The following PBX1 variants were observed in gnomAD, a reference collection of about 807,000 sequenced individuals.
PBX1 encodes the protein pre-B-cell leukemia transcription factor 1.
A neutral mutation model predicts 53.4 loss-of-function variants in PBX1; 6 were observed. The observed-to-expected ratio is 0.11, with a 90% CI of 0.06 to 0.22. PBX1 has a LOEUF of 0.22. Among genes scored for constraint, PBX1 ranks in the 10% least tolerant of loss-of-function variants. PBX1 has a pLI of 1.00. For synonymous variants in PBX1, 204 were observed against 212.3 expected (o/e 0.96, Z 0.34); for missense variants, 251 against 551.4 (o/e 0.46, Z 5.46).
intron 6 of PBX1, chr1:164,819,214 G>T (rs1256102516): frequency 6.6e-6 from 1 of 152,188 alleles, no homozygotes; most frequent in African/African-American, 2.4e-5. Context: ...TGGAACCTGG[G>T]TGGTGCCAGG....
chr1:164,879,635 A>G (rs765433568), intron 2 of PBX1, among the ~76,000 whole-genome samples: 10 of 152,240 alleles, frequency 6.6e-5, no homozygotes, highest in Non-Finnish European at 1.0e-4. Context: ...GGATGGGATC[A>G]CCAAGGGAGC....
At chr1:164,862,875 T>G (rs1672131975) in intron 2 of PBX1, among the ~76,000 whole-genome samples, 1 of 152,190 alleles carries the variant, frequency 6.6e-6, no homozygotes. Context: ...GTTGTGGATG[T>G]ATTTATTTTT....
chr1:164,674,795 C>T (rs1311662366), intron 2 of PBX1: 10 of 136,496 alleles, frequency 7.3e-5, no homozygotes, highest in African/African-American at 2.6e-4. Flanking sequence ...TGACCCTGTC[C>T]TAATGGAGAC....
chr1:164,816,181 A>G (rs1669871097), intron 6 of PBX1: 1 of 152,230 alleles, frequency 6.6e-6, no homozygotes, highest in African/African-American at 2.4e-5. Context: ...ACCTTGAGAT[A>G]CATACCTATT....
At chr1:164,826,119 C>A (rs1670445736) in intron 8 of PBX1, among the ~76,000 whole-genome samples, 1 of 152,174 alleles carries the variant, frequency 6.6e-6, no homozygotes, top group Non-Finnish European at 1.5e-5. Flanking sequence ...AAACTGAAAG[C>A]TCTCTTTCAG....
At chr1:164,876,005 T>TATATAC (rs1487676214) in intron 2 of PBX1, among the ~76,000 whole-genome samples, 2 of 56,794 alleles carry the variant, frequency 3.5e-5, no homozygotes, top group Non-Finnish European at 6.0e-5. Flanking sequence ...TATATATATA[T>TATATAC]ACACACATAC....
intron 2 of PBX1, among the ~76,000 whole-genome samples, chr1:164,757,698 A>G (rs1666604240): frequency 6.6e-6 from 1 of 152,024 alleles, no homozygotes; most frequent in South Asian, 2.1e-4. Context: ...AGCTAATTTC[A>G]GCTATTATTA....
At chr1:164,629,251 A>C (rs1224363322) in intron 2 of PBX1, among the ~76,000 whole-genome samples, 2 of 152,190 alleles carry the variant, frequency 1.3e-5, no homozygotes, top group Non-Finnish European at 2.9e-5. Flanking sequence ...TGTTAGTGTT[A>C]AGCATTTTGA....
chr1:164,717,333 G>T (rs1291304685), intron 2 of PBX1, among the ~76,000 whole-genome samples: 1 of 152,086 alleles, frequency 6.6e-6, no homozygotes, highest in African/African-American at 2.4e-5. Context: ...TTTGCCTGTG[G>T]TGTGTTGTGA....
At chr1:164,612,616 T>C (rs1657012607) in intron 2 of PBX1, among the ~76,000 whole-genome samples, 1 of 152,042 alleles carries the variant, frequency 6.6e-6, no homozygotes. Flanking sequence ...ATTTTTGTAT[T>C]TACATTTTTT....
At chr1:164,758,580 T>A (rs1666645795) in intron 2 of PBX1, among the ~76,000 whole-genome samples, 1 of 152,170 alleles carries the variant, frequency 6.6e-6, no homozygotes, top group Non-Finnish European at 1.5e-5. Context: ...CACTGCCTTC[T>A]TACCCTGTCT....
intron 8 of PBX1, among the ~76,000 whole-genome samples, chr1:164,844,532 C>G (rs1302247182): frequency 6.6e-6 from 1 of 152,110 alleles, no homozygotes; most frequent in Non-Finnish European, 1.5e-5. Flanking sequence ...GAATAATTTT[C>G]CCCAAGTAGT....
At chr1:164,791,991 A>AT (rs1668535251) in intron 2 of PBX1, among the ~76,000 whole-genome samples, 1 of 151,832 alleles carries the variant, frequency 6.6e-6, no homozygotes, top group African/African-American at 2.4e-5. Context: ...CGCCTGGCTA[A>AT]TTTTTTGTAT....
At chr1:164,667,478 C>T (rs1660873149) in intron 2 of PBX1, among the ~76,000 whole-genome samples, 1 of 151,718 alleles carries the variant, frequency 6.6e-6, no homozygotes, top group Non-Finnish European at 1.5e-5. Flanking sequence ...AGAGCAATAA[C>T]TTCGACCCTG....
chr1:164,662,081 T>G (rs1401221376), intron 2 of PBX1, among the ~76,000 whole-genome samples: 1 of 152,102 alleles, frequency 6.6e-6, no homozygotes, highest in Non-Finnish European at 1.5e-5. Flanking sequence ...ATCCCAACAC[T>G]TTGGGAGGCC....
At chr1:164,839,615 C>CA (rs796080113) in intron 8 of PBX1, among the ~76,000 whole-genome samples, 2 of 151,792 alleles carry the variant, frequency 1.3e-5, no homozygotes, top group African/African-American at 4.8e-5. Flanking sequence ...CAGGCAAAGG[C>CA]AAAAAAATCC....
At chr1:164,673,201 A>G (rs913798686) in intron 2 of PBX1, among the ~76,000 whole-genome samples, 2 of 152,142 alleles carry the variant, frequency 1.3e-5, no homozygotes, top group Non-Finnish European at 1.5e-5. Flanking sequence ...TATGTTTTAT[A>G]TTAAGGTTGA....
intron 2 of PBX1, among the ~76,000 whole-genome samples, chr1:164,591,357 T>C (rs1655364426): frequency 6.6e-6 from 1 of 152,222 alleles, no homozygotes; most frequent in Non-Finnish European, 1.5e-5. Flanking sequence ...CAAAAAATTT[T>C]GGAATCAAGG....
intron 2 of PBX1, among the ~76,000 whole-genome samples, chr1:164,734,082 G>A (rs1162590090): frequency 2.0e-5 from 3 of 152,136 alleles, no homozygotes; most frequent in African/African-American, 4.8e-5. Flanking sequence ...TTCACTACAT[G>A]TTTGCTGACT....
Sources: allele counts gnomAD v4.1 joint callset (sites outside exome capture counted in the v4.1 genomes callset), GRCh38; gene constraint gnomAD v4.1.1; transcripts MANE v1.5; gene names NCBI Gene and HGNC (gene_info 2026-07-23, HGNC 2026-07-21).